The following DENND1A variants were observed in gnomAD, a reference collection of about 807,000 sequenced individuals.
DENND1A encodes the protein DENN domain containing 1A, also known as DENN domain-containing protein 1A.
A neutral mutation model predicts 113.7 loss-of-function variants in DENND1A; 51 were observed. That is an observed-to-expected ratio of 0.45 (90% CI 0.36 to 0.57). The LOEUF (loss-of-function observed/expected upper bound fraction) is 0.57, where lower values mean the gene tolerates loss of function less well. Among genes scored for constraint, DENND1A ranks in the 20% least tolerant of loss-of-function variants. DENND1A has a pLI of 0.00. For missense variants in DENND1A, 1,258 were observed against 1,395.9 expected (o/e 0.90, Z 1.57); for synonymous variants, 565 against 570.8 (o/e 0.99, Z 0.14).
chr9:123,598,044 G>C (rs1184601746), intron 11 of DENND1A, among the ~76,000 whole-genome samples: 1 of 152,208 alleles, frequency 6.6e-6, no homozygotes, highest in East Asian at 1.9e-4. Context: ...TGCACAGACA[G>C]ATACAGTTAA....
chr9:123,608,572 C>T (rs1340624313), intron 11 of DENND1A, among the ~76,000 whole-genome samples: 1 of 152,178 alleles, frequency 6.6e-6, no homozygotes, highest in African/African-American at 2.4e-5. Context: ...TACAAAAGCA[C>T]AGAAAAGTCC....
chr9:123,888,963 T>C (rs1849508429), intron 1 of DENND1A, among the ~76,000 whole-genome samples: 1 of 116,698 alleles, frequency 8.6e-6, no homozygotes, highest in African/African-American at 3.0e-5. Flanking sequence ...AAACTGTGTG[T>C]GTGTGTGTGT....
intron 1 of DENND1A, among the ~76,000 whole-genome samples, chr9:123,882,983 A>G (rs1329487040): frequency 1.3e-5 from 2 of 152,192 alleles, no homozygotes; most frequent in Admixed American, 6.5e-5. Context: ...ACTTCATTTT[A>G]TACCTCTCTC....
At chr9:123,815,797 A>C (rs1837353425) in intron 2 of DENND1A, among the ~76,000 whole-genome samples, 1 of 152,082 alleles carries the variant, frequency 6.6e-6, no homozygotes, top group Admixed American at 6.5e-5. Flanking sequence ...AACATTCTAC[A>C]ATGTGAGGAG....
At chr9:123,909,962 A>G (rs555307550) in intron 1 of DENND1A, among the ~76,000 whole-genome samples, 3 of 152,326 alleles carry the variant, frequency 2.0e-5, no homozygotes, top group South Asian at 4.1e-4. Context: ...AAGAACTACA[A>G]ATAAATCTAA....
At chr9:123,857,783 G>A (rs1375862611) in intron 2 of DENND1A, among the ~76,000 whole-genome samples, 1 of 152,180 alleles carries the variant, frequency 6.6e-6, no homozygotes, top group East Asian at 1.9e-4. Context: ...AAACTGGCCA[G>A]GGGCAGTGGC....
At chr9:123,396,349 G>A (rs764346402) in intron 21 of DENND1A, among the ~76,000 whole-genome samples, 2 of 152,214 alleles carry the variant, frequency 1.3e-5, no homozygotes, top group Admixed American at 6.5e-5. Flanking sequence ...GCACCAGGCC[G>A]CCATCCAAAT....
Position 123,544,235 on chromosome 9 carries a change from G to A in DENND1A, c.993+13335C>T, listed in dbSNP as rs148949012. On this transcript the variant is annotated intron_variant, in intron 13 of 23. Coordinates refer to ENST00000394215, the MANE Select transcript of DENND1A (RefSeq NM_001352964.2). ...AGGAGGAAGGGCTACACTTCCCAGCGTTTTAAGTTTTCATCCAATTATCAC... is the reference window on the plus strand; with the variant it reads ...AGGAGGAAGGGCTACACTTCCCAGCATTTTAAGTTTTCATCCAATTATCAC... Among the ~76,000 whole-genome samples, 11 of 152,204 alleles carry A rather than the reference G, an allele frequency of 7.2e-5. No individual in the cohort carries two copies. The East Asian group carries it at 1.7e-3, about 24-fold the overall frequency.
intron 7 of DENND1A, 130 bp downstream of exon 7, chr9:123,671,161 G>T: frequency 1.0e-6 from 1 of 1,001,614 alleles, no homozygotes; most frequent in Non-Finnish European, 1.6e-6. Context: ...GAACTCAGAG[G>T]TCTCAGAGTA....
chr9:123,879,815 A>G (rs1564435441), intron 1 of DENND1A, among the ~76,000 whole-genome samples: 1 of 152,238 alleles, frequency 6.6e-6, no homozygotes, highest in Non-Finnish European at 1.5e-5. Flanking sequence ...CAAGAGGAAC[A>G]GTGTATCTCA....
intron 11 of DENND1A, among the ~76,000 whole-genome samples, chr9:123,595,739 T>C (rs1018852888): frequency 1.3e-5 from 2 of 152,090 alleles, no homozygotes; most frequent in Non-Finnish European, 2.9e-5. Context: ...GTTGAAAAGA[T>C]TGGGGGAGAC....
At chr9:123,616,520 T>C (rs1273296248) in intron 10 of DENND1A, among the ~76,000 whole-genome samples, 3 of 152,244 alleles carry the variant, frequency 2.0e-5, no homozygotes, top group African/African-American at 7.2e-5. Flanking sequence ...GCAATTTATA[T>C]GAATATTTGC....
intron 5 of DENND1A, among the ~76,000 whole-genome samples, chr9:123,684,454 C>T (rs2064677439): frequency 6.6e-6 from 1 of 152,210 alleles, no homozygotes; most frequent in African/African-American, 2.4e-5. Flanking sequence ...CAGAGCCCAA[C>T]TGCACTGCCT....
At chr9:123,595,522 A>G (rs1312516221) in intron 11 of DENND1A, among the ~76,000 whole-genome samples, 1 of 151,876 alleles carries the variant, frequency 6.6e-6, no homozygotes, top group African/African-American at 2.4e-5. Context: ...GCACAGTAGT[A>G]TGCAGCAGAC....
chr9:123,705,144 A>G (rs1465091161), intron 5 of DENND1A, among the ~76,000 whole-genome samples: 1 of 152,184 alleles, frequency 6.6e-6, no homozygotes, highest in Non-Finnish European at 1.5e-5. Flanking sequence ...GAATTAGTTT[A>G]AGAGTAACAA....
At chr9:123,400,583 T>C (rs1024127728) in intron 21 of DENND1A, 2 of 152,114 alleles carry the variant, frequency 1.3e-5, no homozygotes, top group African/African-American at 4.8e-5. Flanking sequence ...TCCACAAAGC[T>C]GGTTATTTTA....
chr9:123,711,152 TAC>T (rs1016199967), intron 5 of DENND1A, among the ~76,000 whole-genome samples: 3 of 152,020 alleles, frequency 2.0e-5, no homozygotes, highest in African/African-American at 7.2e-5. Context: ...TATAAATATA[TAC>T]AGTTTTTGTC....
At chr9:123,546,659 T>TC (rs2056723567) in intron 13 of DENND1A, among the ~76,000 whole-genome samples, 1 of 152,208 alleles carries the variant, frequency 6.6e-6, no homozygotes, top group Non-Finnish European at 1.5e-5. Context: ...ATTCATTTGT[T>TC]CATCCAGTCA....
chr9:123,679,672 G>A (rs552311226), intron 5 of DENND1A, among the ~76,000 whole-genome samples: 5 of 152,282 alleles, frequency 3.3e-5, no homozygotes, highest in South Asian at 2.1e-4. Context: ...GGTTCACAGC[G>A]GAGCTCTATC....
Sources: allele counts gnomAD v4.1 joint callset (sites outside exome capture counted in the v4.1 genomes callset), GRCh38; gene constraint gnomAD v4.1.1; transcripts MANE v1.5; gene names NCBI Gene and HGNC (gene_info 2026-07-23, HGNC 2026-07-21).